The following MAGT1 variants were observed in gnomAD, a reference collection of about 807,000 sequenced individuals.
The protein encoded by MAGT1 is dolichyl-diphosphooligosaccharide--protein glycosyltransferase subunit MAGT1.
In MAGT1, 4 loss-of-function variants were observed where a neutral mutation model predicts 28.4. That is an observed-to-expected ratio of 0.14 (90% CI 0.07 to 0.32). MAGT1 has a LOEUF of 0.32. Among genes scored for constraint, MAGT1 ranks in the 10% least tolerant of loss-of-function variants. The pLI, the probability that MAGT1 is intolerant of heterozygous loss-of-function variation, is 1.00. For synonymous variants in MAGT1, 89 were observed against 89.7 expected, an observed-to-expected ratio of 0.99 and a Z score of 0.04; for missense variants, 193 against 264.5, an observed-to-expected ratio of 0.73 and a Z score of 1.88.
chrX:77,870,703 A>G (rs2077018437), intron 3 of MAGT1, 105 bp downstream of exon 3: 5 of 585,385 alleles, frequency 8.5e-6, no homozygotes, highest in Admixed American at 7.6e-5. Flanking sequence ...TAGATCTTAC[A>G]TAAGAGCAAT....
At chrX:77,862,796 C>T (rs1319931033) in intron 3 of MAGT1, among the ~76,000 whole-genome samples, 1 of 111,547 alleles carries the variant, frequency 9.0e-6, no homozygotes, top group African/African-American at 3.3e-5. Context: ...ATACATTTTC[C>T]TACTTTCTCT....
intron 8 of MAGT1, among the ~76,000 whole-genome samples, chrX:77,836,396 T>A (rs188676040): frequency 8.9e-6 from 1 of 111,885 alleles, no homozygotes; most frequent in Non-Finnish European, 1.9e-5. Flanking sequence ...ATAATTGGAT[T>A]GTTTATGACA....
intron 1 of MAGT1, among the ~76,000 whole-genome samples, chrX:77,889,680 T>C (rs1387420580): frequency 9.0e-6 from 1 of 110,813 alleles, no homozygotes; most frequent in African/African-American, 3.3e-5. Context: ...CTTAGGTGTA[T>C]ATATTTATGA....
intron 1 of MAGT1, among the ~76,000 whole-genome samples, chrX:77,882,929 A>G (rs1179834295): frequency 9.5e-6 from 1 of 105,271 alleles, no homozygotes; most frequent in Non-Finnish European, 1.9e-5. Flanking sequence ...ATCACACATC[A>G]CTGAACTCTA....
chrX:77,846,419 T>G (rs908292006), intron 7 of MAGT1, among the ~76,000 whole-genome samples: 2 of 112,390 alleles, frequency 1.8e-5, no homozygotes, highest in Non-Finnish European at 3.7e-5. Flanking sequence ...ATCTGAAGCC[T>G]TCTTCTCTCA....
chrX:77,860,204 C>T (rs942812165), intron 3 of MAGT1, among the ~76,000 whole-genome samples: 2 of 111,480 alleles, frequency 1.8e-5, no homozygotes, highest in African/African-American at 6.5e-5. Flanking sequence ...CTGTCTTACC[C>T]TCTCAAGTAG....
chrX:77,828,951 T>C lies in MAGT1; in HGVS notation c.*269A>G, dbSNP rs1432206961. 5 of 249,983 alleles carry C rather than the reference T, an allele frequency of 2.0e-5. No homozygotes were observed. Among genetic ancestry groups the C allele is most frequent in the Non-Finnish European group, 3.6e-5 (5 of 140,528 alleles). The allele number at this position is 249,983 out of a possible 1,213,427, so 20.6% of individuals were successfully genotyped here. On this transcript the variant is annotated 3_prime_UTR_variant, in exon 10 of 10. Transcript: ENST00000618282. ...AGTAGTAGTTTTACAATTTTTATAA[T>C]ATACTTAATTGTACTAAATTAAATG...
chrX:77,877,013 C>CA (rs782800456), intron 1 of MAGT1, among the ~76,000 whole-genome samples: 768 of 10,189 alleles, frequency 0.075, 47 homozygotes, highest in Non-Finnish European at 0.094. Context: ...AACTCCATCT[C>CA]AAAAAAAAAA....
intron 8 of MAGT1, among the ~76,000 whole-genome samples, chrX:77,834,331 T>C (rs1345104457): frequency 1.9e-5 from 2 of 102,635 alleles, no homozygotes; most frequent in South Asian, 4.4e-4. Flanking sequence ...CATATATATA[T>C]ACACACACAC....
chrX:77,846,479 G>A (rs2076951779), intron 7 of MAGT1, among the ~76,000 whole-genome samples: 1 of 112,246 alleles, frequency 8.9e-6, no homozygotes, highest in African/African-American at 3.2e-5. Context: ...CTGGTGAGGA[G>A]CTGCATTCCT....
At position 77,859,867 on chromosome X, in the gene MAGT1, T is replaced by TA. The variant is rs1284008981; in HGVS notation, c.391-2371dup. Among the ~76,000 whole-genome samples the TA allele has an allele frequency of 1.5e-3, 157 of 102,856 alleles. 1 individual carries two copies. The highest frequency in any genetic ancestry group is 4.6e-3 in the South Asian group (11 of 2,379). 89.3% of individuals were successfully genotyped at this position (102,856 alleles called of 115,157 possible). On this transcript the variant is annotated intron_variant, in intron 3 of 9. Coordinates refer to ENST00000618282, the MANE Select transcript of MAGT1 (RefSeq NM_001367916.1). ...GGGTGACACAGTGAGACTCTGTCTT[T>TA]AAAAAAAAAAAAATGGATATAGCCA...
At chrX:77,862,853 A>T (rs900297454) in intron 3 of MAGT1, among the ~76,000 whole-genome samples, 1 of 111,607 alleles carries the variant, frequency 9.0e-6, no homozygotes, top group Non-Finnish European at 1.9e-5. Context: ...AAACAAAAAC[A>T]GATGCAAGGA....
intron 1 of MAGT1, among the ~76,000 whole-genome samples, chrX:77,884,993 C>T (rs1215283463): frequency 9.8e-6 from 1 of 102,365 alleles, no homozygotes; most frequent in Non-Finnish European, 2.0e-5. Context: ...ACCCGGGAGT[C>T]GGAGCTTGCA....
At chrX:77,834,204 ATATACATGTG>A (rs1281245124) in intron 8 of MAGT1, among the ~76,000 whole-genome samples, 1 of 100,748 alleles carries the variant, frequency 9.9e-6, no homozygotes. Flanking sequence ...ATATGCATAT[ATATACATGTG>A]TGTATATATA....
At chrX:77,889,082 C>T (rs2077074575) in intron 1 of MAGT1, among the ~76,000 whole-genome samples, 1 of 106,852 alleles carries the variant, frequency 9.4e-6, no homozygotes, top group South Asian at 4.1e-4. Context: ...TCAGGTGATC[C>T]TCCCATCTCA....
intron 7 of MAGT1, among the ~76,000 whole-genome samples, chrX:77,842,544 T>C (rs945050490): frequency 1.2e-4 from 14 of 112,024 alleles, no homozygotes; most frequent in Non-Finnish European, 2.3e-4. Context: ...AGAAAAATCC[T>C]GGCCGTGCGT....
chrX:77,855,096 C>T (rs1172550151), intron 6 of MAGT1, among the ~76,000 whole-genome samples: 1 of 110,993 alleles, frequency 9.0e-6, no homozygotes, highest in Non-Finnish European at 1.9e-5. Flanking sequence ...GGCGCATCAC[C>T]TGAGGTAGGG....
intron 7 of MAGT1, among the ~76,000 whole-genome samples, chrX:77,845,956 T>A (rs1557214868): frequency 9.0e-6 from 1 of 110,788 alleles, no homozygotes; most frequent in African/African-American, 3.3e-5. Context: ...GCGTTCTCTG[T>A]ATCTCCTGAA....
At chrX:77,863,872 A>G (rs1292152100) in intron 3 of MAGT1, among the ~76,000 whole-genome samples, 1 of 110,778 alleles carries the variant, frequency 9.0e-6, no homozygotes. Context: ...AAATACAAAA[A>G]AATTAGCCAG....
Sources: gnomAD v4.1 joint callset for allele counts (sites outside exome capture counted in the v4.1 genomes callset) on GRCh38, gnomAD v4.1.1 for gene constraint, MANE v1.5 for transcripts, NCBI Gene and HGNC (gene_info 2026-07-23, HGNC 2026-07-21) for gene names.